LY96: variants seen among roughly 807,000 people sequenced by gnomAD.
LY96 encodes the protein lymphocyte antigen 96.
Under a neutral mutation model 18.9 loss-of-function variants are expected in LY96, and 18 were observed. The ratio of observed to expected loss-of-function variants is 0.95; its 90% CI spans 0.66 to 1.41. The LOEUF is 1.41. Ranked by LOEUF, LY96 falls within the 40% of genes most tolerant of loss-of-function variation. The pLI, the probability that LY96 is intolerant of heterozygous loss-of-function variation, is 0.00. For missense variants in LY96, 175 were observed against 182.4 expected (o/e 0.96, Z 0.23); for synonymous variants, 66 against 62.6 (o/e 1.06, Z -0.26).
chr8:74,099,449 C>T, the LY96 span: 1 of 152,268 alleles, frequency 6.6e-6, no homozygotes, highest in Non-Finnish European at 1.5e-5. Flanking sequence ...AGCATTTCTT[C>T]CTGATGAGAG....
At chr8:74,007,714 G>A (rs1399987351) in intron 2 of LY96, among the ~76,000 whole-genome samples, 1 of 152,222 alleles carries the variant, frequency 6.6e-6, no homozygotes, top group East Asian at 1.9e-4. Flanking sequence ...AATTGTCTTT[G>A]GTAAGCTAAA....
At chr8:74,002,577 T>A (rs564336545) in intron 1 of LY96, among the ~76,000 whole-genome samples, 14 of 149,338 alleles carry the variant, frequency 9.4e-5, no homozygotes, top group East Asian at 5.9e-4. Flanking sequence ...TTATTTCTTT[T>A]TTTTTTTTTT....
chr8:74,012,170 A>G (rs1816545928), intron 3 of LY96, among the ~76,000 whole-genome samples: 1 of 152,214 alleles, frequency 6.6e-6, no homozygotes, highest in African/African-American at 2.4e-5. Flanking sequence ...CATTCCATCT[A>G]GCAATTTCAC....
At chr8:74,063,404 G>C in the LY96 span, among the ~76,000 whole-genome samples, 1 of 152,120 alleles carries the variant, frequency 6.6e-6, no homozygotes, top group African/African-American at 2.4e-5. Flanking sequence ...AGAATTTGTT[G>C]ACATTTTAAA....
At chr8:74,046,038 AGAGGTCAAGGCGGGTGGATCACCT>A in the LY96 span, among the ~76,000 whole-genome samples, 2 of 152,148 alleles carry the variant, frequency 1.3e-5, no homozygotes, top group Non-Finnish European at 2.9e-5. Flanking sequence ...CAGCACTTTC[AGAGGTCAAGGCGGGTGGATCACCT>A]GAGGTCAGGA....
At chr8:74,079,751 C>T in the LY96 span, 1 of 151,932 alleles carries the variant, frequency 6.6e-6, no homozygotes, top group Non-Finnish European at 1.5e-5. Context: ...AGACTGGAAT[C>T]TTGGCTCACT....
the LY96 span, among the ~76,000 whole-genome samples, chr8:74,072,258 A>C: frequency 6.6e-6 from 1 of 152,188 alleles, no homozygotes; most frequent in Non-Finnish European, 1.5e-5. Flanking sequence ...CACAAATTTT[A>C]AATTTTACCA....
intron 3 of LY96, among the ~76,000 whole-genome samples, chr8:74,017,296 G>A (rs1816664578): frequency 6.6e-6 from 1 of 152,072 alleles, no homozygotes; most frequent in African/African-American, 2.4e-5. Context: ...TGGAAGAAAG[G>A]GTATCAGTGA....
chr8:74,045,914 A>G, the LY96 span, among the ~76,000 whole-genome samples: 1 of 152,124 alleles, frequency 6.6e-6, no homozygotes, highest in Non-Finnish European at 1.5e-5. Context: ...CCTAGTCTAT[A>G]GTGGTCAGCT....
At chr8:74,005,016 C>A in intron 2 of LY96, 131 bp downstream of exon 2, 1 of 923,028 alleles carries the variant, frequency 1.1e-6, no homozygotes, top group South Asian at 1.5e-5. Flanking sequence ...ATCTTTGTGG[C>A]TTAACACAGC....
chr8:74,090,920 C>T, the LY96 span, among the ~76,000 whole-genome samples: 43,446 of 152,044 alleles, frequency 0.29, 6,498 homozygotes, highest in African/African-American at 0.33. Context: ...GAGCTGTGCC[C>T]GCATGCTGCA....
At chr8:74,050,449 C>T in the LY96 span, among the ~76,000 whole-genome samples, 1 of 152,086 alleles carries the variant, frequency 6.6e-6, no homozygotes, top group African/African-American at 2.4e-5. Flanking sequence ...CACCCGCCCA[C>T]TCCACCATCC....
chr8:74,072,362 A>T, the LY96 span, among the ~76,000 whole-genome samples: 59 of 152,210 alleles, frequency 3.9e-4, no homozygotes, highest in African/African-American at 1.3e-3. Flanking sequence ...TATGGGCCAT[A>T]TCTGTTTTCT....
chr8:74,090,362 C>G, the LY96 span, among the ~76,000 whole-genome samples: 7 of 151,830 alleles, frequency 4.6e-5, no homozygotes, highest in Non-Finnish European at 1.0e-4. Flanking sequence ...ATTTAATGAA[C>G]CAGGGAGCAA....
intron 3 of LY96, among the ~76,000 whole-genome samples, chr8:74,018,497 A>C (rs2131276792): frequency 6.6e-6 from 1 of 152,336 alleles, no homozygotes; most frequent in South Asian, 2.1e-4. Context: ...CCCCACTGTC[A>C]ATATTAGACA....
At chr8:74,025,210 C>A (rs1816845658) in intron 3 of LY96, among the ~76,000 whole-genome samples, 1 of 152,204 alleles carries the variant, frequency 6.6e-6, no homozygotes, top group African/African-American at 2.4e-5. Flanking sequence ...ATTGTCTTCC[C>A]AGGCCCTGGT....
rs1360215785 is a variant in LY96, at chr8:74,002,065, TCC to T, written c.113-2730_113-2729del. Among the ~76,000 whole-genome samples, 124 of 35,942 alleles carry T rather than the reference TCC, an allele frequency of 3.4e-3. 4 individuals are homozygous for T. Among genetic ancestry groups the T allele is most frequent in the East Asian group, 0.014 (22 of 1,536 alleles). The allele number at this position is 35,942 out of a possible 152,430, so 23.6% of individuals were successfully genotyped here. A position where few individuals can be genotyped will look rare whatever the true frequency, so the allele number is the denominator to read the frequency against. On this transcript the variant is annotated intron_variant, in intron 1 of 4. Transcript: ENST00000284818. ...TTCCTTCCTTCCTTCCTTCCTTCCT[TCC>T]TTCCTTCCTTTCTTTCTTTCTTTCT...
chr8:74,030,386 G>A (rs551836226), downstream of LY96, among the ~76,000 whole-genome samples: 5 of 152,240 alleles, frequency 3.3e-5, no homozygotes, highest in Non-Finnish European at 5.9e-5. Context: ...GGTGGCATGC[G>A]CCTGTAATCC....
chr8:74,041,587 A>G, the LY96 span, among the ~76,000 whole-genome samples: 1 of 152,156 alleles, frequency 6.6e-6, no homozygotes, highest in African/African-American at 2.4e-5. Flanking sequence ...AAAGGAATGC[A>G]TTCCTTGGGG....
Sources: allele counts gnomAD v4.1 joint callset (sites outside exome capture counted in the v4.1 genomes callset), GRCh38; gene constraint gnomAD v4.1.1; transcripts MANE v1.5; gene names NCBI Gene and HGNC (gene_info 2026-07-23, HGNC 2026-07-21).